NUDT21: variants seen among roughly 807,000 people sequenced by gnomAD.
NUDT21 encodes the protein nudix hydrolase 21, also known as cleavage and polyadenylation specificity factor subunit 5.
In NUDT21, 5 loss-of-function variants were observed where a neutral mutation model predicts 29.8. The observed-to-expected ratio is 0.17, with a 90% CI of 0.09 to 0.35. The LOEUF is 0.35. Ranked by LOEUF, NUDT21 falls within the 10% of genes least tolerant of loss-of-function variation. The pLI is 1.00. For missense variants in NUDT21, 76 were observed against 276.0 expected, an observed-to-expected ratio of 0.28 and a Z score of 5.13; for synonymous variants, 113 against 98.5, an observed-to-expected ratio of 1.15 and a Z score of -0.87.
chr16:56,443,782 G>A (rs2143941744), intron 3 of NUDT21, among the ~76,000 whole-genome samples: 1 of 152,288 alleles, frequency 6.6e-6, no homozygotes, highest in South Asian at 2.1e-4. Flanking sequence ...TGCCATGAGT[G>A]GAAGCACCAT....
intron 1 of NUDT21, among the ~76,000 whole-genome samples, chr16:56,448,404 T>C (rs1962242890): frequency 6.6e-6 from 1 of 152,248 alleles, no homozygotes; most frequent in South Asian, 2.1e-4. Context: ...TAATGGCTAA[T>C]TTCTTTTTCC....
Position 56,429,191 on chromosome 16 carries a change from C to T in NUDT21, c.*3521G>A, listed in dbSNP as rs1468262189. The stretch of plus-strand genomic sequence containing the variant: ...TAAAATAAAAAAAGAACAGTGATCA[C>T]TTTAACCAAACTTACTTTACAAATA... On this transcript the variant is annotated 3_prime_UTR_variant, in exon 7 of 7. Coordinates refer to ENST00000300291, the MANE Select transcript of NUDT21 (RefSeq NM_007006.3). The T allele has an allele frequency of 1.3e-5, 2 of 152,202 alleles. No individual in the cohort carries two copies. The highest frequency in any genetic ancestry group is 2.4e-5 in the African/African-American group (1 of 41,458). 9.4% of individuals were successfully genotyped at this position (152,202 alleles called of 1,614,324 possible). A position where few individuals can be genotyped will look rare whatever the true frequency, so the allele number is the denominator to read the frequency against.
intron 3 of NUDT21, among the ~76,000 whole-genome samples, chr16:56,443,825 A>G (rs1282490556): frequency 1.3e-5 from 2 of 152,228 alleles, no homozygotes; most frequent in Admixed American, 1.3e-4. Context: ...TCTTGCCACC[A>G]GAACTGGTGA....
chr16:56,438,514 T>A (rs1010548369), intron 4 of NUDT21, among the ~76,000 whole-genome samples: 4 of 152,204 alleles, frequency 2.6e-5, no homozygotes, highest in Non-Finnish European at 5.9e-5. Context: ...AACTTGACTG[T>A]AACTTCATGA....
intron 4 of NUDT21, chr16:56,435,072 T>TAA (rs750446587): frequency 3.2e-6 from 1 of 311,520 alleles, no homozygotes; most frequent in Non-Finnish European, 5.8e-6. Context: ...TTGAGATACT[T>TAA]AAAACATAAT....
chr16:56,444,415 C>G (rs1962193677), intron 3 of NUDT21, among the ~76,000 whole-genome samples: 1 of 151,932 alleles, frequency 6.6e-6, no homozygotes, highest in Admixed American at 6.6e-5. Context: ...GAAACCCCAT[C>G]TCTACTAAAA....
intron 4 of NUDT21, among the ~76,000 whole-genome samples, chr16:56,436,813 A>G (rs1962108727): frequency 6.6e-6 from 1 of 151,482 alleles, no homozygotes; most frequent in Non-Finnish European, 1.5e-5. Flanking sequence ...TCTAACTAAT[A>G]CTCTAGGCTT....
At chr16:56,433,950 G>C (rs1407319079) in intron 6 of NUDT21, among the ~76,000 whole-genome samples, 1 of 152,158 alleles carries the variant, frequency 6.6e-6, no homozygotes, top group Non-Finnish European at 1.5e-5. Flanking sequence ...GCCTCCCAAA[G>C]TGCTGGGATT....
intron 5 of NUDT21, 116 bp downstream of exon 5, chr16:56,434,638 T>A (rs140460785): frequency 2.4e-6 from 2 of 843,294 alleles, no homozygotes; most frequent in African/African-American, 1.7e-5. Context: ...TATACATCTT[T>A]AGTTTTACAA....
intron 6 of NUDT21, 76 bp from the exon 7 acceptor site, chr16:56,432,809 TG>T: frequency 9.2e-7 from 1 of 1,088,504 alleles, no homozygotes; most frequent in Non-Finnish European, 1.3e-6. Flanking sequence ...TAAATTTATC[TG>T]GATGTTTCTG....
chr16:56,438,191 G>A (rs1234251906), intron 4 of NUDT21, among the ~76,000 whole-genome samples: 2 of 152,148 alleles, frequency 1.3e-5, no homozygotes, highest in African/African-American at 2.4e-5. Context: ...CAGAAGTGAT[G>A]GTATGCCACT....
At chr16:56,441,579 T>C (rs1207255309) in intron 3 of NUDT21, among the ~76,000 whole-genome samples, 1 of 152,254 alleles carries the variant, frequency 6.6e-6, no homozygotes, top group Non-Finnish European at 1.5e-5. Flanking sequence ...TATAACCCTC[T>C]ACTATGAATG....
intron 3 of NUDT21, among the ~76,000 whole-genome samples, chr16:56,441,259 C>T (rs1359467458): frequency 6.6e-6 from 1 of 151,230 alleles, no homozygotes; most frequent in East Asian, 2.0e-4. Flanking sequence ...TTTTTTGAGA[C>T]AGAGTCTCGC....
intron 4 of NUDT21, 83 bp from the exon 5 acceptor site, chr16:56,434,912 C>T: frequency 2.4e-6 from 2 of 820,756 alleles, no homozygotes; most frequent in Non-Finnish European, 4.0e-6. Flanking sequence ...ATAGTATAAA[C>T]TGTTGGGAGA....
At chr16:56,435,508 T>C (rs1447874347) in intron 4 of NUDT21, among the ~76,000 whole-genome samples, 6 of 150,648 alleles carry the variant, frequency 4.0e-5, no homozygotes, top group Non-Finnish European at 5.9e-5. Context: ...AGGCGGATCA[T>C]GAGGTCAGGA....
chr16:56,449,472 G>A (rs1312227464), intron 1 of NUDT21, among the ~76,000 whole-genome samples: 1 of 152,108 alleles, frequency 6.6e-6, no homozygotes, highest in African/African-American at 2.4e-5. Context: ...TCAACTTAAT[G>A]TTAACTCAGG....
At chr16:56,437,505 G>A (rs75245606) in intron 4 of NUDT21, among the ~76,000 whole-genome samples, 2,615 of 152,084 alleles carry the variant, frequency 0.017, 67 homozygotes, top group African/African-American at 0.06. Flanking sequence ...CTCTGATTTC[G>A]GGGCAGCTAT....
intron 2 of NUDT21, 95 bp from the exon 3 acceptor site, chr16:56,446,784 C>T (rs1214228373): frequency 1.4e-6 from 1 of 711,242 alleles, no homozygotes; most frequent in African/African-American, 1.8e-5. Flanking sequence ...TCACTAAGAA[C>T]ATATTTCAGC....
intron 4 of NUDT21, among the ~76,000 whole-genome samples, chr16:56,438,745 C>A (rs1962130091): frequency 6.6e-6 from 1 of 151,002 alleles, no homozygotes; most frequent in South Asian, 2.1e-4. Context: ...CAGGGGAATG[C>A]AATCGAAATG....
Sources: gnomAD v4.1 joint callset for allele counts (sites outside exome capture counted in the v4.1 genomes callset) on GRCh38, gnomAD v4.1.1 for gene constraint, MANE v1.5 for transcripts, NCBI Gene and HGNC (gene_info 2026-07-23, HGNC 2026-07-21) for gene names.